Variants in CSMD3 observed in about 807,000 individuals in gnomAD.
The protein encoded by CSMD3 is CUB and sushi domain-containing protein 3.
In CSMD3, 177 loss-of-function variants were observed where a neutral mutation model predicts 435.2. That is an observed-to-expected ratio of 0.41 (90% CI 0.36 to 0.46). CSMD3 has a LOEUF of 0.46. Among genes scored for constraint, CSMD3 ranks in the 20% least tolerant of loss-of-function variants. The pLI is 0.34. For missense variants in CSMD3, 4,265 were observed against 4,504.6 expected (o/e 0.95, Z 1.52); for synonymous variants, 1,656 against 1,520.5 (o/e 1.09, Z -2.07).
chr8:112,707,546 G>A (rs1442155618), intron 13 of CSMD3, among the ~76,000 whole-genome samples: 1 of 151,888 alleles, frequency 6.6e-6, no homozygotes, highest in Non-Finnish European at 1.5e-5. Flanking sequence ...AAATACAACA[G>A]TTAAACAGGC....
In CSMD3 at chr8:113,031,804, C is replaced by G. The variant is rs2131243103; in HGVS notation, c.918-12625G>C. ...GGGTTCATATGGTTTGGCTTTGTGT[C>G]CCCACCCAAATCTCATCTTGAATTG... is the stretch of plus-strand genomic sequence containing the variant. On this transcript the variant is annotated intron_variant, in intron 5 of 70. Coordinates refer to ENST00000297405, the MANE Select transcript of CSMD3 (RefSeq NM_198123.2). 2.0e-5 allele frequency among the ~76,000 whole-genome samples: 3 copies of G among 151,460 alleles called. No homozygotes were observed. In the East Asian group the frequency reaches 5.8e-4, roughly 29 times the overall value.
rs532025860 is a variant in CSMD3, at chr8:112,751,882, G to A, written c.1972+48280C>T. Among the ~76,000 whole-genome samples, 12 of 152,094 alleles carry A rather than the reference G, an allele frequency of 7.9e-5. No individual in the cohort carries two copies. The South Asian group carries it at 1.5e-3, about 18-fold the overall frequency. On this transcript the variant is annotated intron_variant, in intron 13 of 70. Transcript: ENST00000297405. The stretch of plus-strand genomic sequence containing the variant: ...ATGCAGGTTTGTTACATAGGTAAAC[G>A]TGTGCTGTGGTGGTTTGTAAAGCCA...
chr8:112,883,463 T>C (rs1051734567), intron 10 of CSMD3, among the ~76,000 whole-genome samples: 4 of 151,966 alleles, frequency 2.6e-5, no homozygotes, highest in Non-Finnish European at 4.4e-5. Context: ...AATTTACAAA[T>C]AGGTAGTGTT....
chr8:112,278,989 G>T (rs57156290), intron 59 of CSMD3, among the ~76,000 whole-genome samples: 8 of 150,932 alleles, frequency 5.3e-5, no homozygotes, highest in Non-Finnish European at 1.2e-4. Flanking sequence ...TTCCTGAAGC[G>T]TATCCTGTAA....
At position 112,690,894 on chromosome 8, in the gene CSMD3, T is replaced by C. The variant is rs1276188820; in HGVS notation, c.1973-844A>G. Among the ~76,000 whole-genome samples, 4 of 151,890 alleles carry C rather than the reference T, an allele frequency of 2.6e-5. No homozygotes were observed. In the South Asian group the frequency reaches 6.2e-4, roughly 24 times the overall value. Reference sequence around the variant, plus strand: ...AACAATAGTAAAAAAAAATACAAATTAAAAAAATGTAACTTTAAGATAAAG... The same window carrying C: ...AACAATAGTAAAAAAAAATACAAATCAAAAAAATGTAACTTTAAGATAAAG... On this transcript the variant is annotated intron_variant, in intron 13 of 70. Coordinates refer to ENST00000297405, the MANE Select transcript of CSMD3 (RefSeq NM_198123.2).
intron 27 of CSMD3, among the ~76,000 whole-genome samples, chr8:112,536,911 T>C (rs1300609945): frequency 6.6e-6 from 1 of 151,778 alleles, no homozygotes; most frequent in Non-Finnish European, 1.5e-5. Flanking sequence ...CAGTAAACTA[T>C]TGCAAGAACA....
At chr8:112,963,840 C>T (rs79970626) in intron 7 of CSMD3, among the ~76,000 whole-genome samples, 232 of 151,946 alleles carry the variant, frequency 1.5e-3, no homozygotes, top group African/African-American at 5.2e-3. Context: ...TGTATATATT[C>T]GTATCCAATA....
chr8:113,209,020 A>T (rs2092802582), intron 3 of CSMD3, among the ~76,000 whole-genome samples: 1 of 152,182 alleles, frequency 6.6e-6, no homozygotes, highest in African/African-American at 2.4e-5. Context: ...GATCATGAAT[A>T]AGCATCTACC....
At chr8:112,506,567 G>T in intron 29 of CSMD3, 124 bp downstream of exon 29, 1 of 915,996 alleles carries the variant, frequency 1.1e-6, no homozygotes, top group Non-Finnish European at 1.7e-6. Flanking sequence ...ATTAGCACTG[G>T]GATAAGTAAA....
intron 11 of CSMD3, among the ~76,000 whole-genome samples, chr8:112,834,719 A>T (rs2079971805): frequency 6.6e-6 from 1 of 151,792 alleles, no homozygotes; most frequent in Admixed American, 6.6e-5. Flanking sequence ...ATCAACAAAT[A>T]GTCATAAGTA....
chr8:112,995,128 T>G (rs1292842381), intron 6 of CSMD3, among the ~76,000 whole-genome samples: 1 of 151,400 alleles, frequency 6.6e-6, no homozygotes, highest in Admixed American at 6.6e-5. Flanking sequence ...AAGAGAGCTA[T>G]AGGATGTATA....
intron 4 of CSMD3, among the ~76,000 whole-genome samples, chr8:113,119,840 G>A (rs1203689571): frequency 1.3e-5 from 2 of 151,976 alleles, no homozygotes; most frequent in Non-Finnish European, 2.9e-5. Flanking sequence ...TTAATAAATT[G>A]TAATAACAGA....
At chr8:113,077,705 A>G (rs1311674905) in intron 5 of CSMD3, among the ~76,000 whole-genome samples, 1 of 152,164 alleles carries the variant, frequency 6.6e-6, no homozygotes, top group Non-Finnish European at 1.5e-5. Flanking sequence ...TCTTGTCTCA[A>G]AACAAAAACA....
At chr8:112,770,989 GT>G (rs1324789158) in intron 13 of CSMD3, among the ~76,000 whole-genome samples, 3 of 151,942 alleles carry the variant, frequency 2.0e-5, no homozygotes, top group Admixed American at 6.6e-5. Flanking sequence ...AAAAATGGTG[GT>G]TGCCTGTTTC....
rs752317624 is a variant in CSMD3, at chr8:112,503,803, A to G, written c.5070T>C (p.His1690=). 1 of 1,609,052 alleles carries G rather than the reference A, an allele frequency of 6.2e-7. No individual in the cohort carries two copies. The change falls in exon 30 of 71, where the codon CAT becomes CAC. Residue 1690 remains histidine (H), a synonymous_variant. Coordinates refer to ENST00000297405, the MANE Select transcript of CSMD3 (RefSeq NM_198123.2). ...GTTCATATTTACCTTTGTATTCTAGATGAAATCCAGTGTAACTAACAGATC... is the reference window on the plus strand; with the variant it reads ...GTTCATATTTACCTTTGTATTCTAGGTGAAATCCAGTGTAACTAACAGATC... ...SDGSVSYTGF[H]LEYKAKLRES... is the part of the protein sequence containing the mutation.
At position 112,345,755 on chromosome 8, in the gene CSMD3, A is replaced by G. The variant is rs535346861; in HGVS notation, c.6442+342T>C. Among the ~76,000 whole-genome samples the G allele has an allele frequency of 3.0e-4, 46 of 152,244 alleles. 1 individual carries two copies. In the South Asian group the frequency reaches 7.7e-3, roughly 25 times the overall value. ...AAAAAATATTAGAGATAATATATTAATTAACTTTATTTAGTTCTTCCAAAA... is the reference window on the plus strand; with the variant it reads ...AAAAAATATTAGAGATAATATATTAGTTAACTTTATTTAGTTCTTCCAAAA... On this transcript the variant is annotated intron_variant, in intron 41 of 70. Transcript: ENST00000297405.
intron 35 of CSMD3, among the ~76,000 whole-genome samples, chr8:112,397,324 G>A (rs1314756324): frequency 6.6e-6 from 1 of 152,026 alleles, no homozygotes; most frequent in Non-Finnish European, 1.5e-5. Flanking sequence ...CTGTCATATT[G>A]TCAACTTTAT....
chr8:113,322,987 C>G (rs1426740012), intron 1 of CSMD3, among the ~76,000 whole-genome samples: 1 of 152,082 alleles, frequency 6.6e-6, no homozygotes, highest in Non-Finnish European at 1.5e-5. Flanking sequence ...CTCAAGTGTT[C>G]TTCACCCACC....
At chr8:112,846,890 T>A (rs543021367) in intron 11 of CSMD3, among the ~76,000 whole-genome samples, 2 of 152,168 alleles carry the variant, frequency 1.3e-5, no homozygotes, top group South Asian at 4.1e-4. Flanking sequence ...ATGGTTCACT[T>A]AAGAGGAGGG....
Sources: allele counts gnomAD v4.1 joint callset (sites outside exome capture counted in the v4.1 genomes callset), GRCh38; gene constraint gnomAD v4.1.1; transcripts MANE v1.5; gene names NCBI Gene and HGNC (gene_info 2026-07-23, HGNC 2026-07-21).